The following RALGAPB variants were observed in gnomAD, a reference collection of about 807,000 sequenced individuals.
RALGAPB encodes ral GTPase-activating protein subunit beta.
RALGAPB carries 25 observed loss-of-function variants against 161.1 expected under a neutral mutation model. The observed-to-expected ratio is 0.16, with a 90% CI of 0.11 to 0.22. RALGAPB has a LOEUF of 0.22. Ranked by LOEUF, RALGAPB falls within the 10% of genes least tolerant of loss-of-function variation. The pLI, the probability that RALGAPB is intolerant of heterozygous loss-of-function variation, is 1.00. For missense variants in RALGAPB, 1,391 were observed against 1,815.2 expected (o/e 0.77, Z 4.25); for synonymous variants, 629 against 626.1 (o/e 1.00, Z -0.07).
Position 38,546,390 on chromosome 20 carries a change from CA to C in RALGAPB, c.2863del (p.Ile955SerfsTer69). On this transcript the variant is annotated frameshift_variant, in exon 19 of 30. Coordinates refer to ENST00000262879, the MANE Select transcript of RALGAPB (RefSeq NM_020336.4). LOFTEE classifies it high-confidence loss of function. Reference sequence around the variant, plus strand: ...GGTACTTTGTCTTGGATAACAGTGTCATCCTGGCAATGCTGGAACAACCTCT... The same window carrying C: ...GGTACTTTGTCTTGGATAACAGTGTCTCCTGGCAATGCTGGAACAACCTCT... ...FRYFVLDNSV[I>X]LAMLEQPLGN... 1 of 1,614,080 alleles carries C rather than the reference CA, an allele frequency of 6.2e-7. No individual in the cohort carries two copies. The highest frequency in any genetic ancestry group is 8.5e-7 in the Non-Finnish European group (1 of 1,179,976).
At chr20:38,526,162 C>T in intron 13 of RALGAPB, 120 bp downstream of exon 13, 2 of 1,142,538 alleles carry the variant, frequency 1.8e-6, no homozygotes, top group Admixed American at 2.4e-5. Context: ...TACTCTGAAT[C>T]AGAGGCACAA....
At chr20:38,555,385 ATT>A (rs2087544742) in intron 22 of RALGAPB, among the ~76,000 whole-genome samples, 1 of 152,062 alleles carries the variant, frequency 6.6e-6, no homozygotes, top group Admixed American at 6.5e-5. Context: ...TTTTTTTTGT[ATT>A]TTTGTATTTT....
chr20:38,543,778 AATCT>A (rs1173552148), intron 18 of RALGAPB, among the ~76,000 whole-genome samples: 1 of 152,150 alleles, frequency 6.6e-6, no homozygotes, highest in Admixed American at 6.6e-5. Flanking sequence ...GCTTATAGCA[AATCT>A]ATCTACCTCC....
At chr20:38,571,200 CATT>C (rs1012288777) in intron 28 of RALGAPB, among the ~76,000 whole-genome samples, 10 of 152,146 alleles carry the variant, frequency 6.6e-5, no homozygotes, top group African/African-American at 1.7e-4. Flanking sequence ...CCACTTAATT[CATT>C]ATTATTATTA....
chr20:38,484,388 CAACA>C (rs1280107273), intron 1 of RALGAPB, among the ~76,000 whole-genome samples: 1 of 152,138 alleles, frequency 6.6e-6, no homozygotes, highest in Non-Finnish European at 1.5e-5. Flanking sequence ...TCTGGGGCAC[CAACA>C]GCTTATACAA....
At chr20:38,488,350 C>A (rs2085179138) in intron 1 of RALGAPB, 53 bp from the exon 2 acceptor site, 1 of 1,151,852 alleles carries the variant, frequency 8.7e-7, no homozygotes, top group Admixed American at 2.0e-5. Flanking sequence ...TTATTTATTT[C>A]TGTTAATTTC....
At chr20:38,542,438 C>T (rs748962698) in intron 18 of RALGAPB, among the ~76,000 whole-genome samples, 4 of 152,042 alleles carry the variant, frequency 2.6e-5, no homozygotes, top group African/African-American at 4.8e-5. Flanking sequence ...GCTCACTATG[C>T]AAATGCTGGA....
chr20:38,567,559 T>C (rs960086816), intron 26 of RALGAPB, among the ~76,000 whole-genome samples: 1 of 152,204 alleles, frequency 6.6e-6, no homozygotes, highest in Non-Finnish European at 1.5e-5. Flanking sequence ...CATGTTTTTT[T>C]ATCTTTAATC....
intron 1 of RALGAPB, among the ~76,000 whole-genome samples, chr20:38,480,007 G>T (rs541744735): frequency 4.7e-4 from 72 of 151,622 alleles, no homozygotes; most frequent in South Asian, 1.0e-3. Flanking sequence ...TTTGAGACAG[G>T]GTCTTCTTCT....
At chr20:38,485,270 TGCCTGTAATACCAGCA>T (rs1036527438) in intron 1 of RALGAPB, among the ~76,000 whole-genome samples, 15 of 152,186 alleles carry the variant, frequency 9.9e-5, no homozygotes, top group African/African-American at 3.4e-4. Flanking sequence ...TTCCTGACTC[TGCCTGTAATACCAGCA>T]GCTTGCCCTA....
chr20:38,498,069 CAAAA>C (rs11481813), intron 4 of RALGAPB, among the ~76,000 whole-genome samples: 1 of 123,868 alleles, frequency 8.1e-6, no homozygotes, highest in Non-Finnish European at 1.6e-5. Context: ...GACTCTGTCT[CAAAA>C]AAAAAAAAAA....
At chr20:38,567,984 A>G (rs911444275) in intron 26 of RALGAPB, among the ~76,000 whole-genome samples, 1 of 152,244 alleles carries the variant, frequency 6.6e-6, no homozygotes, top group African/African-American at 2.4e-5. Context: ...TTTGAGAATC[A>G]GGAGTTTTTA....
Position 38,548,819 on chromosome 20 carries a change from A to AGT in RALGAPB, c.3009+35_3009+36dup, listed in dbSNP as rs773346230. 5.2e-5 allele frequency: 81 copies of AGT among 1,545,660 alleles called. 1 individual carries two copies. The East Asian group carries it at 1.4e-3, about 27-fold the overall frequency. Reference sequence around the variant, plus strand: ...AGGTATTCATCAGAAGTTACAGGGAAGTGTGTGTGTGTTTTGTAATTTAAA... The same window carrying AGT: ...AGGTATTCATCAGAAGTTACAGGGAAGTGTGTGTGTGTGTTTTGTAATTTAAA... On this transcript the variant is annotated intron_variant, in intron 20 of 29. Transcript: ENST00000262879.
intron 6 of RALGAPB, among the ~76,000 whole-genome samples, chr20:38,514,452 T>C (rs543208687): frequency 6.6e-6 from 1 of 152,354 alleles, no homozygotes; most frequent in East Asian, 1.9e-4. Context: ...GATCAAATTA[T>C]CTTCGTTAAT....
At chr20:38,503,047 G>T (rs957721787) in intron 5 of RALGAPB, among the ~76,000 whole-genome samples, 1 of 152,148 alleles carries the variant, frequency 6.6e-6, no homozygotes, top group Non-Finnish European at 1.5e-5. Context: ...AATTACTTTT[G>T]TACCAACACA....
chr20:38,530,832 C>T (rs762406035), intron 13 of RALGAPB, among the ~76,000 whole-genome samples: 60 of 151,384 alleles, frequency 4.0e-4, no homozygotes, highest in Non-Finnish European at 6.0e-4. Flanking sequence ...CTTGACCTCC[C>T]GCCCCACTTC....
chr20:38,559,466 G>A (rs751500370), intron 23 of RALGAPB, among the ~76,000 whole-genome samples: 11 of 152,186 alleles, frequency 7.2e-5, no homozygotes, highest in Non-Finnish European at 1.6e-4. Flanking sequence ...AGGCCGAGGC[G>A]GATGGATCAC....
intron 13 of RALGAPB, 43 bp downstream of exon 13, chr20:38,526,085 G>A: frequency 1.2e-6 from 2 of 1,603,546 alleles, no homozygotes; most frequent in African/African-American, 1.3e-5. Context: ...CCAAAGTACT[G>A]TTGACTACAG....
chr20:38,538,769 A>C (rs1028513351), intron 16 of RALGAPB, among the ~76,000 whole-genome samples: 6 of 152,210 alleles, frequency 3.9e-5, no homozygotes, highest in Admixed American at 3.3e-4. Flanking sequence ...GGTCATACCA[A>C]ATGTTGGTGA....
Sources: gnomAD v4.1 joint callset for allele counts (sites outside exome capture counted in the v4.1 genomes callset) on GRCh38, gnomAD v4.1.1 for gene constraint, MANE v1.5 for transcripts, NCBI Gene and HGNC (gene_info 2026-07-23, HGNC 2026-07-21) for gene names.